TUNAR: variants seen among roughly 807,000 people sequenced by gnomAD.
TUNAR encodes the protein transmembrane neural differentiation associated intracellular calcium regulator, also known as protein TUNAR.
chr14:95,916,524 G>A (rs1484328036), intron 2 of TUNAR, among the ~76,000 whole-genome samples: 3 of 152,156 alleles, frequency 2.0e-5, no homozygotes, highest in South Asian at 4.2e-4. Flanking sequence ...CCAGGCCACC[G>A]CTGATGGCCA....
At chr14:95,922,850 A>G (rs1275412482) in exon 3 of TUNAR, 3 of 398,998 alleles carry the variant, frequency 7.5e-6, no homozygotes, top group Admixed American at 4.4e-5. Context: ...TGATGAAGAC[A>G]GAGGAGGTCA....
intron 2 of TUNAR, among the ~76,000 whole-genome samples, chr14:95,920,720 G>T (rs557339428): frequency 9.9e-5 from 15 of 152,146 alleles, no homozygotes; most frequent in Non-Finnish European, 4.4e-5. Context: ...ATGTGCACAG[G>T]GGGAGGGCAT....
intron 2 of TUNAR, among the ~76,000 whole-genome samples, chr14:95,910,454 G>A (rs1259962238): frequency 2.0e-5 from 3 of 152,204 alleles, no homozygotes; most frequent in Non-Finnish European, 4.4e-5. Context: ...TAGCTATGAC[G>A]TTTATCATCA....
intron 2 of TUNAR, among the ~76,000 whole-genome samples, chr14:95,901,974 G>A (rs1889361105): frequency 6.6e-6 from 1 of 152,122 alleles, no homozygotes; most frequent in South Asian, 2.1e-4. Flanking sequence ...TTCCAGTAGA[G>A]GAGACAGCCA....
intron 2 of TUNAR, among the ~76,000 whole-genome samples, chr14:95,885,955 GC>G (rs973031317): frequency 4.7e-4 from 71 of 152,236 alleles, no homozygotes; most frequent in African/African-American, 1.7e-3. Context: ...GGGCCCTGCT[GC>G]CCAGACCCCA....
intron 2 of TUNAR, among the ~76,000 whole-genome samples, chr14:95,902,959 T>C (rs1021060611): frequency 2.0e-5 from 3 of 152,176 alleles, no homozygotes; most frequent in African/African-American, 7.2e-5. Context: ...TATTTGCAAC[T>C]TTGAGCCATA....
intron 2 of TUNAR, among the ~76,000 whole-genome samples, chr14:95,896,354 G>T (rs993240718): frequency 1.3e-5 from 2 of 152,212 alleles, no homozygotes; most frequent in Non-Finnish European, 2.9e-5. Flanking sequence ...AGATTGGGCT[G>T]TTCCAGCTAA....
intron 2 of TUNAR, among the ~76,000 whole-genome samples, chr14:95,892,598 C>T (rs1385886117): frequency 2.0e-5 from 3 of 152,190 alleles, no homozygotes; most frequent in African/African-American, 4.8e-5. Flanking sequence ...TTCTTTTTCC[C>T]CACCAGATGA....
intron 2 of TUNAR, among the ~76,000 whole-genome samples, chr14:95,912,872 G>C (rs1164520335): frequency 6.6e-6 from 1 of 151,900 alleles, no homozygotes; most frequent in Non-Finnish European, 1.5e-5. Flanking sequence ...CTCACTGCAG[G>C]CTCCATCTCC....
At position 95,915,557 on chromosome 14, in the gene TUNAR, AATCGAG is replaced by A. The variant is rs533137951; in HGVS notation, c.13-7222_13-7217del. ...TAGGAAGGGTAATTTTCCAGAGGAA[AATCGAG>A]ACCAAAGAAAGACCATGAATGCTGG... On this transcript the variant is annotated intron_variant, in intron 2 of 2. Coordinates refer to ENST00000678517, the Ensembl canonical transcript of TUNAR. Among the ~76,000 whole-genome samples the A allele has an allele frequency of 1.8e-3, 275 of 152,296 alleles. 1 individual carries two copies. Among genetic ancestry groups the A allele is most frequent in the Non-Finnish European group, 2.5e-3 (173 of 68,006 alleles).
chr14:95,923,118 A>G, exon 3 of TUNAR: 1 of 396,156 alleles, frequency 2.5e-6, no homozygotes, highest in African/African-American at 2.1e-5. Context: ...AAAAGGTCAC[A>G]CAAATAGACC....
intron 2 of TUNAR, among the ~76,000 whole-genome samples, chr14:95,916,311 G>A (rs901749884): frequency 2.0e-5 from 3 of 152,124 alleles, no homozygotes; most frequent in Non-Finnish European, 4.4e-5. Context: ...TATCACACTT[G>A]TATCTCCATA....
At chr14:95,879,245 C>T (rs867150309) in intron 2 of TUNAR, among the ~76,000 whole-genome samples, 5 of 152,174 alleles carry the variant, frequency 3.3e-5, no homozygotes, top group Admixed American at 1.3e-4. Context: ...CCAAATGAAA[C>T]GGGCATGTCC....
intron 2 of TUNAR, among the ~76,000 whole-genome samples, chr14:95,919,555 G>A (rs932574228): frequency 2.0e-5 from 3 of 151,586 alleles, no homozygotes; most frequent in African/African-American, 4.8e-5. Flanking sequence ...AAAAAGAAAT[G>A]TAAAAATTTT....
intron 2 of TUNAR, among the ~76,000 whole-genome samples, chr14:95,881,721 T>C (rs955150821): frequency 6.6e-6 from 1 of 152,244 alleles, no homozygotes; most frequent in African/African-American, 2.4e-5. Context: ...TGAGTATAGC[T>C]GCTGCTGTTC....
At chr14:95,879,689 TTC>T (rs1162305666) in intron 2 of TUNAR, among the ~76,000 whole-genome samples, 2 of 150,002 alleles carry the variant, frequency 1.3e-5, no homozygotes, top group Admixed American at 6.8e-5. Flanking sequence ...TTTTCAGTTT[TTC>T]TTTGTCTTAA....
chr14:95,889,855 C>T (rs754389792), intron 2 of TUNAR, among the ~76,000 whole-genome samples: 86 of 151,706 alleles, frequency 5.7e-4, no homozygotes, highest in East Asian at 1.8e-3. Flanking sequence ...CCCATCCATC[C>T]GTGAATCCTC....
At chr14:95,896,921 T>C (rs1391488835) in intron 2 of TUNAR, among the ~76,000 whole-genome samples, 2 of 152,226 alleles carry the variant, frequency 1.3e-5, no homozygotes, top group South Asian at 2.1e-4. Flanking sequence ...CTGCCTTGCC[T>C]GCTTAGCAGG....
intron 2 of TUNAR, among the ~76,000 whole-genome samples, chr14:95,880,581 G>T (rs1888964947): frequency 6.6e-6 from 1 of 152,202 alleles, no homozygotes. Context: ...TAGGGTTCAG[G>T]GGACTTGGAG....
Sources: allele counts gnomAD v4.1 joint callset (sites outside exome capture counted in the v4.1 genomes callset), GRCh38; gene constraint gnomAD v4.1.1; transcripts MANE v1.5; gene names NCBI Gene and HGNC (gene_info 2026-07-23, HGNC 2026-07-21).